WDR70: variants seen among roughly 807,000 people sequenced by gnomAD.
WDR70 encodes WD repeat domain 70, also known as WD repeat-containing protein 70.
In WDR70, 53 loss-of-function variants were observed where a neutral mutation model predicts 88.6. The ratio of observed to expected loss-of-function variants is 0.60; its 90% CI spans 0.48 to 0.75. WDR70 has a LOEUF of 0.75. Ranked by LOEUF, WDR70 falls within the 30% of genes least tolerant of loss-of-function variation. The pLI, the probability that WDR70 is intolerant of heterozygous loss-of-function variation, is 0.00. For synonymous variants in WDR70, 280 were observed against 270.0 expected, an observed-to-expected ratio of 1.04 and a Z score of -0.36; for missense variants, 610 against 823.2, an observed-to-expected ratio of 0.74 and a Z score of 3.17.
At chr5:37,402,944 GT>G (rs5867348) in intron 5 of WDR70, among the ~76,000 whole-genome samples, 18 of 84,382 alleles carry the variant, frequency 2.1e-4, no homozygotes, top group Admixed American at 5.4e-4. Context: ...CCCTCCCTCC[GT>G]TTTTTTTTTT....
chr5:37,557,959 T>TTTTAATACGATTCA, intron 9 of WDR70, among the ~76,000 whole-genome samples: 1 of 146,506 alleles, frequency 6.8e-6, no homozygotes, highest in Admixed American at 6.8e-5. Context: ...AAAAGAGTAT[T>TTTTAATACGATTCA]ATGTATATTT....
chr5:37,449,614 A>AAAAAAAT (rs1738607337), intron 7 of WDR70, among the ~76,000 whole-genome samples: 2 of 120,708 alleles, frequency 1.7e-5, no homozygotes, highest in African/African-American at 5.9e-5. Flanking sequence ...TAAAAAATAA[A>AAAAAAAT]AAATAAATAA....
At chr5:37,491,165 C>T (rs762385019) in intron 8 of WDR70, among the ~76,000 whole-genome samples, 1 of 152,120 alleles carries the variant, frequency 6.6e-6, no homozygotes, top group Non-Finnish European at 1.5e-5. Context: ...CTTTTACTCA[C>T]CTTTTCCCCA....
intron 9 of WDR70, among the ~76,000 whole-genome samples, chr5:37,584,523 C>A (rs890445456): frequency 2.0e-5 from 3 of 152,136 alleles, no homozygotes; most frequent in African/African-American, 7.2e-5. Flanking sequence ...ATCTCCTTTT[C>A]AAATTTGCAC....
chr5:37,388,330 C>A (rs1308298948), intron 3 of WDR70, among the ~76,000 whole-genome samples: 1 of 149,796 alleles, frequency 6.7e-6, no homozygotes, highest in African/African-American at 2.4e-5. Flanking sequence ...GCTGGCCAGG[C>A]CGGTCTCGAA....
chr5:37,650,358 G>GCTACTGCA (rs1419690782), intron 10 of WDR70, among the ~76,000 whole-genome samples: 6 of 151,892 alleles, frequency 4.0e-5, no homozygotes, highest in Non-Finnish European at 7.4e-5. Flanking sequence ...CCGAGATCAC[G>GCTACTGCA]CTACTGCACT....
At chr5:37,750,860 G>A (rs1160808726) in intron 17 of WDR70, among the ~76,000 whole-genome samples, 1 of 152,144 alleles carries the variant, frequency 6.6e-6, no homozygotes, top group Non-Finnish European at 1.5e-5. Context: ...TATTAGCAGC[G>A]TGAGAACAGT....
chr5:37,722,560 A>G, intron 14 of WDR70: 1 of 322,198 alleles, frequency 3.1e-6, no homozygotes. Context: ...TTTATTATTT[A>G]AGATCTTAAA....
intron 9 of WDR70, among the ~76,000 whole-genome samples, chr5:37,567,259 C>T (rs955863082): frequency 6.6e-6 from 1 of 152,150 alleles, no homozygotes; most frequent in East Asian, 1.9e-4. Flanking sequence ...AAAAATATAA[C>T]CTAAATCCAT....
intron 7 of WDR70, among the ~76,000 whole-genome samples, chr5:37,461,215 G>A (rs575675184): frequency 8.4e-4 from 127 of 151,926 alleles, no homozygotes; most frequent in Middle Eastern, 3.4e-3. Context: ...TATTTATCTG[G>A]TCCTTCACAT....
intron 9 of WDR70, among the ~76,000 whole-genome samples, chr5:37,537,418 G>C (rs1042427421): frequency 2.6e-5 from 4 of 152,116 alleles, no homozygotes; most frequent in African/African-American, 9.7e-5. Flanking sequence ...AAATGTACTT[G>C]CAAGTCTTTC....
chr5:37,447,882 C>T (rs1436569503), intron 7 of WDR70, among the ~76,000 whole-genome samples: 3 of 152,272 alleles, frequency 2.0e-5, no homozygotes, highest in Non-Finnish European at 4.4e-5. Flanking sequence ...CACATGTATA[C>T]ATATGTAACA....
intron 10 of WDR70, among the ~76,000 whole-genome samples, chr5:37,692,748 T>C (rs74905683): frequency 4.6e-5 from 7 of 152,200 alleles, no homozygotes; most frequent in Non-Finnish European, 7.4e-5. Flanking sequence ...GACAAATCCA[T>C]AGCCAATATC....
chr5:37,441,114 T>C (rs1389052621), intron 6 of WDR70, among the ~76,000 whole-genome samples: 1 of 152,114 alleles, frequency 6.6e-6, no homozygotes, highest in Non-Finnish European at 1.5e-5. Context: ...GTTAGCCTTA[T>C]TAGGAGGAGA....
Position 37,392,135 on chromosome 5 carries a change from G to C in WDR70, c.296+15G>C. 6.3e-7 allele frequency: 1 copy of C among 1,597,274 alleles called. No homozygotes were observed. Reference sequence around the variant, plus strand: ...TCATCTTCCAGGTGCCTGATTTTCAGAAAGACTTCTATTAAACTATCAGTT... The same window carrying C: ...TCATCTTCCAGGTGCCTGATTTTCACAAAGACTTCTATTAAACTATCAGTT... On this transcript the variant is annotated intron_variant, in intron 4 of 17. Coordinates refer to ENST00000265107, the MANE Select transcript of WDR70 (RefSeq NM_018034.4).
chr5:37,405,622 G>A (rs1237513171), intron 5 of WDR70, among the ~76,000 whole-genome samples: 1 of 151,706 alleles, frequency 6.6e-6, no homozygotes. Flanking sequence ...TCATTATAAA[G>A]CAATTATGAC....
chr5:37,693,595 A>G (rs992635944), intron 10 of WDR70, among the ~76,000 whole-genome samples: 1 of 152,270 alleles, frequency 6.6e-6, no homozygotes, highest in Non-Finnish European at 1.5e-5. Context: ...GACAAAAACA[A>G]GAAATGGGGA....
rs1269479258 is a variant in WDR70 at position 37,438,051 on chromosome 5, A to T, written c.552+70A>T. The T allele has an allele frequency of 4.5e-6, 6 of 1,323,908 alleles. No individual in the cohort carries two copies. The Middle Eastern group carries it at 5.5e-4, about 120-fold the overall frequency. 82.0% of individuals were successfully genotyped at this position (1,323,908 alleles called of 1,614,324 possible). ...TGTCATGGAAAAGTGAACTGATAAG[A>T]TACATTTGTATTAAGGCTAATTATA... On this transcript the variant is annotated intron_variant, in intron 6 of 17. Transcript: ENST00000265107.
At chr5:37,502,417 G>A (rs1313614021) in intron 8 of WDR70, among the ~76,000 whole-genome samples, 4 of 151,902 alleles carry the variant, frequency 2.6e-5, no homozygotes, top group African/African-American at 9.7e-5. Flanking sequence ...TGTTGGCTGT[G>A]GATTTGTCGT....
Sources: allele counts gnomAD v4.1 joint callset (sites outside exome capture counted in the v4.1 genomes callset), GRCh38; gene constraint gnomAD v4.1.1; transcripts MANE v1.5; gene names NCBI Gene and HGNC (gene_info 2026-07-23, HGNC 2026-07-21).